SYN3: variants seen among roughly 807,000 people sequenced by gnomAD.
SYN3 encodes synapsin III.
Under a neutral mutation model 65.8 loss-of-function variants are expected in SYN3, and 35 were observed. That is an observed-to-expected ratio of 0.53 (90% CI 0.41 to 0.70). SYN3 has a LOEUF of 0.70. SYN3 is among the 30% of genes least tolerant of loss of function. The pLI is 0.00. For missense variants in SYN3, 680 were observed against 749.0 expected, an observed-to-expected ratio of 0.91 and a Z score of 1.08; for synonymous variants, 270 against 292.9, an observed-to-expected ratio of 0.92 and a Z score of 0.80.
At chr22:32,889,311 T>G (rs2049375925) in intron 4 of SYN3, among the ~76,000 whole-genome samples, 1 of 152,146 alleles carries the variant, frequency 6.6e-6, no homozygotes. Context: ...TCCTGGGTTC[T>G]AAACACTCTT....
intron 6 of SYN3, among the ~76,000 whole-genome samples, chr22:32,680,490 AAG>A: frequency 6.6e-6 from 1 of 152,266 alleles, no homozygotes; most frequent in African/African-American, 2.4e-5. Context: ...TTTTCAAATC[AAG>A]ACACCTTGTT....
At chr22:33,052,559 T>A (rs549863736) in intron 1 of SYN3, among the ~76,000 whole-genome samples, 1 of 149,326 alleles carries the variant, frequency 6.7e-6, no homozygotes, top group East Asian at 2.0e-4. Context: ...CCCTGCTGTA[T>A]ACTCACACCT....
intron 6 of SYN3, among the ~76,000 whole-genome samples, chr22:32,709,526 C>T (rs1398991642): frequency 6.6e-6 from 1 of 152,174 alleles, no homozygotes; most frequent in East Asian, 1.9e-4. Context: ...ACCATTTCAT[C>T]AGGTTTGTTG....
chr22:33,041,789 C>T (rs1038325317), intron 1 of SYN3, among the ~76,000 whole-genome samples: 2 of 152,124 alleles, frequency 1.3e-5, no homozygotes, highest in African/African-American at 4.8e-5. Context: ...GATTAATGAG[C>T]TCCAAGCATC....
chr22:32,700,128 T>C (rs2060791744), intron 6 of SYN3, among the ~76,000 whole-genome samples: 2 of 152,210 alleles, frequency 1.3e-5, no homozygotes, highest in South Asian at 4.1e-4. Flanking sequence ...GGCTTTCAGA[T>C]GCTTCCTCTT....
chr22:32,851,703 C>T (rs1380080770), intron 6 of SYN3, among the ~76,000 whole-genome samples: 2 of 152,190 alleles, frequency 1.3e-5, no homozygotes, highest in Non-Finnish European at 2.9e-5. Flanking sequence ...GCTGAGGCAT[C>T]GGAATTTCTT....
chr22:32,836,063 C>CT (rs2047721496), intron 6 of SYN3, among the ~76,000 whole-genome samples: 1 of 152,178 alleles, frequency 6.6e-6, no homozygotes, highest in Non-Finnish European at 1.5e-5. Context: ...AGCTTTGCTG[C>CT]TGGGCATATT....
At chr22:32,582,698 A>G (rs2058966328) in intron 7 of SYN3, among the ~76,000 whole-genome samples, 1 of 151,986 alleles carries the variant, frequency 6.6e-6, no homozygotes. Flanking sequence ...CTGCATTTTT[A>G]AGGGGCTCCC....
intron 6 of SYN3, among the ~76,000 whole-genome samples, chr22:32,824,277 C>CAA (rs130288): frequency 0.43 from 57,417 of 132,768 alleles, 13,247 homozygotes; most frequent in Admixed American, 0.54. Flanking sequence ...GACTCCATCT[C>CAA]AAAAAAAAAA....
chr22:32,990,767 C>G (rs1277007787), intron 2 of SYN3, among the ~76,000 whole-genome samples: 3 of 152,092 alleles, frequency 2.0e-5, no homozygotes, highest in Non-Finnish European at 4.4e-5. Flanking sequence ...ATAGAATATT[C>G]GCTGGCAAGG....
chr22:32,991,206 C>A (rs1194004281), intron 2 of SYN3, among the ~76,000 whole-genome samples: 2 of 149,292 alleles, frequency 1.3e-5, no homozygotes, highest in Non-Finnish European at 3.0e-5. Context: ...AAAAAATTAG[C>A]CGGGCATGGT....
chr22:32,857,961 C>G, intron 6 of SYN3: 5 of 1,613,636 alleles, frequency 3.1e-6, no homozygotes, highest in Admixed American at 1.7e-5. Flanking sequence ...TGAATTCTCT[C>G]TGGGCTAGGC....
intron 6 of SYN3, among the ~76,000 whole-genome samples, chr22:32,630,038 C>T (rs551332511): frequency 4.8e-4 from 72 of 148,866 alleles, no homozygotes; most frequent in African/African-American, 1.7e-3. Flanking sequence ...GGCTAGAGTA[C>T]GGTGGCGCGA....
intron 9 of SYN3, among the ~76,000 whole-genome samples, chr22:32,537,571 C>T (rs1002473487): frequency 1.3e-5 from 2 of 152,176 alleles, no homozygotes; most frequent in Non-Finnish European, 2.9e-5. Context: ...GTCAACCTTT[C>T]CCTATTCATA....
At chr22:32,632,033 A>AG (rs1339091467) in intron 6 of SYN3, among the ~76,000 whole-genome samples, 1 of 152,216 alleles carries the variant, frequency 6.6e-6, no homozygotes, top group Non-Finnish European at 1.5e-5. Flanking sequence ...TAGGCGCCGG[A>AG]GGGATGCTGA....
intron 6 of SYN3, among the ~76,000 whole-genome samples, chr22:32,632,917 A>AAC (rs2059765897): frequency 6.6e-6 from 1 of 152,234 alleles, no homozygotes; most frequent in South Asian, 2.1e-4. Flanking sequence ...GTAGTTATGG[A>AAC]TAATAACACA....
intron 4 of SYN3, among the ~76,000 whole-genome samples, chr22:32,894,181 A>G (rs1252672534): frequency 7.8e-6 from 1 of 127,766 alleles, no homozygotes; most frequent in Non-Finnish European, 1.8e-5. Context: ...ATCACTGCTA[A>G]GAAACAGAAA....
At chr22:32,635,745 A>T (rs2059806520) in intron 6 of SYN3, among the ~76,000 whole-genome samples, 1 of 152,236 alleles carries the variant, frequency 6.6e-6, no homozygotes, top group Non-Finnish European at 1.5e-5. Context: ...TCTCCAAATC[A>T]GATGGAGGAG....
intron 3 of SYN3, among the ~76,000 whole-genome samples, chr22:32,957,445 A>G (rs1290968534): frequency 1.3e-5 from 2 of 152,218 alleles, no homozygotes; most frequent in East Asian, 3.8e-4. Flanking sequence ...GCTACCGAAC[A>G]GCCTAAGGCC....
Sources: gnomAD v4.1 joint callset for allele counts (sites outside exome capture counted in the v4.1 genomes callset) on GRCh38, gnomAD v4.1.1 for gene constraint, MANE v1.5 for transcripts, NCBI Gene and HGNC (gene_info 2026-07-23, HGNC 2026-07-21) for gene names.